Variants in USP22 observed in about 807,000 individuals in gnomAD.
USP22 encodes the protein ubiquitin specific peptidase 22.
USP22 carries 22 observed loss-of-function variants against 68.1 expected under a neutral mutation model. That is an observed-to-expected ratio of 0.32 (90% CI 0.23 to 0.46). The LOEUF is 0.46. USP22 is among the 20% of genes least tolerant of loss of function. The pLI is 1.00. For missense variants in USP22, 433 were observed against 695.8 expected, an observed-to-expected ratio of 0.62 and a Z score of 4.25; for synonymous variants, 279 against 274.2, an observed-to-expected ratio of 1.02 and a Z score of -0.17.
chr17:21,018,299 TC>T, intron 4 of USP22, 188 bp from the exon 5 acceptor site: 1 of 541,638 alleles, frequency 1.8e-6, no homozygotes. Context: ...TTGAAGAATG[TC>T]CACCACCATG....
At chr17:21,021,358 G>A in intron 2 of USP22, 132 bp from the exon 3 acceptor site, 2 of 650,814 alleles carry the variant, frequency 3.1e-6, no homozygotes, top group South Asian at 1.7e-5. Flanking sequence ...TCACAAGCAG[G>A]GAAGCCAGTC....
chr17:21,024,627 G>A (rs745912519), intron 2 of USP22, among the ~76,000 whole-genome samples: 8 of 152,118 alleles, frequency 5.3e-5, no homozygotes, highest in Non-Finnish European at 8.8e-5. Context: ...CTCGGATTTG[G>A]TAAGGGATTC....
At chr17:21,026,870 C>T (rs1374902732) in intron 2 of USP22, among the ~76,000 whole-genome samples, 3 of 150,274 alleles carry the variant, frequency 2.0e-5, no homozygotes, top group East Asian at 2.0e-4. Flanking sequence ...GGTGCGATCT[C>T]GGCTCACTGC....
rs1481002733 is a variant in USP22, at chr17:21,043,007, G to C, written c.-172C>G. On this transcript the variant is annotated 5_prime_UTR_variant, in exon 1 of 13. Coordinates refer to ENST00000261497, the MANE Select transcript of USP22 (RefSeq NM_015276.2). ...GCTGCGCGATCGCCGAGGGGAGGCTGCAAGGCAGGCACCGCCCCCGAGCTG... is the reference window on the plus strand; with the variant it reads ...GCTGCGCGATCGCCGAGGGGAGGCTCCAAGGCAGGCACCGCCCCCGAGCTG... The C allele has an allele frequency of 9.0e-6, 3 of 332,802 alleles. No homozygotes were observed. Among genetic ancestry groups the C allele is most frequent in the Non-Finnish European group, 1.6e-5 (3 of 189,562 alleles). 20.6% of individuals were successfully genotyped at this position (332,802 alleles called of 1,614,324 possible). A position where few individuals can be genotyped will look rare whatever the true frequency, so the allele number is the denominator to read the frequency against.
At chr17:21,039,930 C>T (rs983109240) in intron 1 of USP22, among the ~76,000 whole-genome samples, 1 of 152,154 alleles carries the variant, frequency 6.6e-6, no homozygotes, top group African/African-American at 2.4e-5. Flanking sequence ...TATGGCTGGG[C>T]TCAGTGGCTC....
intron 6 of USP22, among the ~76,000 whole-genome samples, chr17:21,014,179 A>T: frequency 6.6e-6 from 1 of 152,282 alleles, no homozygotes. Flanking sequence ...CTCGCTGAAC[A>T]GCTCTGGCAA....
intron 2 of USP22, among the ~76,000 whole-genome samples, chr17:21,022,175 G>A (rs1972164859): frequency 6.6e-6 from 1 of 152,130 alleles, no homozygotes; most frequent in South Asian, 2.1e-4. Context: ...AGATACATAT[G>A]TATGTATAAA....
chr17:21,008,349 A>G (rs1357731746), intron 8 of USP22, among the ~76,000 whole-genome samples: 1 of 152,204 alleles, frequency 6.6e-6, no homozygotes, highest in Non-Finnish European at 1.5e-5. Flanking sequence ...GAGAGTCACA[A>G]AACTGGAAAC....
At chr17:21,024,542 T>C (rs1972197079) in intron 2 of USP22, among the ~76,000 whole-genome samples, 1 of 152,208 alleles carries the variant, frequency 6.6e-6, no homozygotes, top group Non-Finnish European at 1.5e-5. Flanking sequence ...TTAACTCGAA[T>C]GGATCAGAGA....
chr17:21,004,148 GA>G (rs922234682), intron 12 of USP22, 53 bp downstream of exon 12: 31 of 1,595,812 alleles, frequency 1.9e-5, no homozygotes, highest in Admixed American at 3.4e-5. Context: ...AGCTATACCG[GA>G]GGGGAAGCAC....
intron 5 of USP22, among the ~76,000 whole-genome samples, chr17:21,017,296 GCA>G (rs1972099584): frequency 6.6e-6 from 1 of 152,184 alleles, no homozygotes; most frequent in South Asian, 2.1e-4. Flanking sequence ...CCTGTGCAAG[GCA>G]CCTGAAGAAC....
chr17:21,007,159 C>A (rs537195300), intron 9 of USP22, among the ~76,000 whole-genome samples, 172 bp from the exon 10 acceptor site: 50 of 152,342 alleles, frequency 3.3e-4, no homozygotes, highest in African/African-American at 1.2e-3. Flanking sequence ...TGGCAATCCA[C>A]CCAAGTCCTC....
chr17:21,041,154 A>G (rs1410066858), intron 1 of USP22, among the ~76,000 whole-genome samples: 1 of 151,302 alleles, frequency 6.6e-6, no homozygotes, highest in Non-Finnish European at 1.5e-5. Context: ...ACGTGCTGGG[A>G]TTACAGGCGT....
chr17:21,023,746 G>A (rs4985963), intron 2 of USP22, among the ~76,000 whole-genome samples: 86,241 of 151,528 alleles, frequency 0.57, 24,957 homozygotes, highest in Middle Eastern at 0.62. Flanking sequence ...CATGGATTGA[G>A]AGTAACTGGC....
intron 1 of USP22, among the ~76,000 whole-genome samples, chr17:21,033,309 G>T (rs1430197454): frequency 6.6e-6 from 1 of 152,162 alleles, no homozygotes; most frequent in Admixed American, 6.5e-5. Flanking sequence ...ACATAACTAG[G>T]ATTTGTATGT....
At chr17:21,035,480 T>C (rs901242285) in intron 1 of USP22, among the ~76,000 whole-genome samples, 24 of 150,720 alleles carry the variant, frequency 1.6e-4, no homozygotes, top group Non-Finnish European at 2.9e-5. Flanking sequence ...AAAGCCTTAA[T>C]AGGAGACCCT....
rs755141299 is a variant in USP22 at position 21,012,945 on chromosome 17, G to T, written c.839-10C>A. On this transcript the variant is annotated splice_polypyrimidine_tract_variant and intron_variant, in intron 6 of 12. Coordinates refer to ENST00000261497, the MANE Select transcript of USP22 (RefSeq NM_015276.2). ...TTCCCATTGTCATCACCTGGAGACA[G>T]ACCACGGCTCTGGGATTAGTGTCTC... is the stretch of plus-strand genomic sequence containing the variant. 2.5e-6 allele frequency: 4 copies of T among 1,612,236 alleles called. No homozygotes were observed. The Admixed American group carries it at 5.0e-5, about 20-fold the overall frequency.
At chr17:21,024,875 G>A (rs892289403) in intron 2 of USP22, among the ~76,000 whole-genome samples, 3 of 152,144 alleles carry the variant, frequency 2.0e-5, no homozygotes, top group African/African-American at 7.2e-5. Context: ...GGCTGAGGTT[G>A]GGAGGATCAC....
intron 1 of USP22, among the ~76,000 whole-genome samples, chr17:21,038,327 T>G (rs924920869): frequency 6.6e-6 from 1 of 152,094 alleles, no homozygotes; most frequent in African/African-American, 2.4e-5. Context: ...CTCTACAATG[T>G]GCTCACCACC....
Sources: gnomAD v4.1 joint callset for allele counts (sites outside exome capture counted in the v4.1 genomes callset) on GRCh38, gnomAD v4.1.1 for gene constraint, MANE v1.5 for transcripts, NCBI Gene and HGNC (gene_info 2026-07-23, HGNC 2026-07-21) for gene names.